Variants in ATP8B4 observed in about 807,000 individuals in gnomAD.
ATP8B4 encodes the protein probable phospholipid-transporting ATPase IM.
In ATP8B4, 133 loss-of-function variants were observed where a neutral mutation model predicts 145.6. The ratio of observed to expected loss-of-function variants is 0.91; its 90% CI spans 0.79 to 1.05. The LOEUF (loss-of-function observed/expected upper bound fraction) is 1.05, where lower values mean the gene tolerates loss of function less well. Ranked by LOEUF, ATP8B4 falls within the 50% of genes least tolerant of loss-of-function variation. The pLI, the probability that ATP8B4 is intolerant of heterozygous loss-of-function variation, is 0.00. For missense variants in ATP8B4, 1,458 were observed against 1,425.2 expected (o/e 1.02, Z -0.37); for synonymous variants, 507 against 492.9 (o/e 1.03, Z -0.38).
intron 1 of ATP8B4, among the ~76,000 whole-genome samples, chr15:50,157,928 T>G (rs2044447079): frequency 6.6e-6 from 1 of 152,176 alleles, no homozygotes. Flanking sequence ...CTGGTTTTCG[T>G]ATTTTTTTGG....
rs546501571 is a variant in ATP8B4, at chr15:50,107,934, CTG to C, written c.-42-928_-42-927del. Among the ~76,000 whole-genome samples the C allele has an allele frequency of 5.5e-3, 832 of 152,248 alleles. 6 individuals are homozygous for C. Among genetic ancestry groups the C allele is most frequent in the African/African-American group, 0.019 (794 of 41,542 alleles). On this transcript the variant is annotated intron_variant, in intron 1 of 27. Coordinates refer to ENST00000284509, the MANE Select transcript of ATP8B4 (RefSeq NM_024837.4). ...CAGATCCCCGAGAAGTCTAAAAAGC[CTG>C]AGACCATCATTTCTTCCTTTTCTGG... is the stretch of plus-strand genomic sequence containing the variant.
At chr15:50,124,657 G>T (rs1039585794) in intron 1 of ATP8B4, among the ~76,000 whole-genome samples, 22 of 152,086 alleles carry the variant, frequency 1.4e-4, no homozygotes, top group African/African-American at 4.3e-4. Context: ...GTCACCTCTG[G>T]GAACCAGCTC....
At chr15:50,100,326 G>A (rs2056274560) in intron 2 of ATP8B4, among the ~76,000 whole-genome samples, 1 of 152,122 alleles carries the variant, frequency 6.6e-6, no homozygotes, top group African/African-American at 2.4e-5. Context: ...TCCAGTCTGT[G>A]CCCCTCTGGC....
intron 6 of ATP8B4, among the ~76,000 whole-genome samples, chr15:50,025,435 T>C (rs1482483209): frequency 6.6e-6 from 1 of 152,194 alleles, no homozygotes; most frequent in African/African-American, 2.4e-5. Flanking sequence ...AATCAGTCCC[T>C]CATAATCACC....
At chr15:50,128,928 C>A (rs745999306) in intron 1 of ATP8B4, among the ~76,000 whole-genome samples, 3 of 152,226 alleles carry the variant, frequency 2.0e-5, no homozygotes, top group Non-Finnish European at 4.4e-5. Flanking sequence ...ATTAGCTGGG[C>A]CTGGTGGTGC....
At chr15:50,158,593 T>G (rs2044467242) in intron 1 of ATP8B4, among the ~76,000 whole-genome samples, 1 of 152,196 alleles carries the variant, frequency 6.6e-6, no homozygotes, top group South Asian at 2.1e-4. Context: ...CACCACCCCG[T>G]CTGGGAGGTA....
intron 20 of ATP8B4, among the ~76,000 whole-genome samples, chr15:49,904,751 A>T (rs1566961169): frequency 6.6e-6 from 1 of 152,202 alleles, no homozygotes; most frequent in Non-Finnish European, 1.5e-5. Flanking sequence ...AACCCTGCAC[A>T]TTCAAATAAA....
chr15:49,986,435 G>C (rs35392725), intron 10 of ATP8B4, among the ~76,000 whole-genome samples: 9,853 of 152,208 alleles, frequency 0.065, 355 homozygotes, highest in South Asian at 0.12. Flanking sequence ...ATGTAAAAGC[G>C]CATATACTGG....
rs747983512 is a variant in ATP8B4, at chr15:49,979,668, C to T, written c.983G>A (p.Trp328Ter). The change falls in exon 12 of 28, where the codon TGG becomes TAG. Residue 328 changes from tryptophan to a stop codon, truncating the protein, a stop_gained. Coordinates refer to ENST00000284509, the MANE Select transcript of ATP8B4 (RefSeq NM_024837.4). LOFTEE classifies it high-confidence loss of function. ...TGTATTGAGAATAATAATATATGAC[C>T]AGAATGTTAAGAATCCGGAGAACAC... ...SSVFSGFLTF[W>*]SYIIILNTVV... 1 of 1,602,648 alleles carries T rather than the reference C, an allele frequency of 6.2e-7. No individual in the cohort carries two copies. The highest frequency in any genetic ancestry group is 8.5e-7 in the Non-Finnish European group (1 of 1,172,104).
chr15:49,869,738 C>G (rs2033387035), intron 25 of ATP8B4, among the ~76,000 whole-genome samples: 1 of 152,152 alleles, frequency 6.6e-6, no homozygotes, highest in South Asian at 2.1e-4. Flanking sequence ...TTTTGGCAAC[C>G]CGTCCCCAGG....
At position 49,898,057 on chromosome 15, in the gene ATP8B4, T is replaced by C. The variant is rs769058642; in HGVS notation, c.2473+11A>G. 1.1e-5 allele frequency: 17 copies of C among 1,613,484 alleles called. No homozygotes were observed. Among genetic ancestry groups the C allele is most frequent in the Middle Eastern group, 3.3e-4 (2 of 6,054 alleles). ...TATGCAGCATACCCCATTGAGCAAATATCCTCTTACTTTTAATCATGCTGA... is the reference window on the plus strand; with the variant it reads ...TATGCAGCATACCCCATTGAGCAAACATCCTCTTACTTTTAATCATGCTGA... On this transcript the variant is annotated intron_variant, in intron 22 of 27. Coordinates refer to ENST00000284509, the MANE Select transcript of ATP8B4 (RefSeq NM_024837.4).
rs949200462 is a variant in ATP8B4 at position 49,859,589 on chromosome 15, G to C, written c.*605C>G. On this transcript the variant is annotated 3_prime_UTR_variant, in exon 28 of 28. Transcript: ENST00000284509. Reference sequence around the variant, plus strand: ...TTCAGTCTCCTTTGTCCCTAGACTGGTATAAAAATGAGAAACACAAGCACA... The same window carrying C: ...TTCAGTCTCCTTTGTCCCTAGACTGCTATAAAAATGAGAAACACAAGCACA... The C allele has an allele frequency of 3.9e-5, 6 of 152,228 alleles. No homozygotes were observed. Among genetic ancestry groups the C allele is most frequent in the Admixed American group, 6.5e-5 (1 of 15,280 alleles). 9.4% of individuals were successfully genotyped at this position (152,228 alleles called of 1,614,324 possible). A position where few individuals can be genotyped will look rare whatever the true frequency, so the allele number is the denominator to read the frequency against.
intron 3 of ATP8B4, among the ~76,000 whole-genome samples, chr15:50,060,055 T>A (rs1245765768): frequency 6.6e-6 from 1 of 152,170 alleles, no homozygotes; most frequent in Non-Finnish European, 1.5e-5. Flanking sequence ...GTAAGGAAAC[T>A]GAAACCCAGA....
chr15:49,961,949 TA>T, intron 14 of ATP8B4, 27 bp downstream of exon 14: 1 of 1,556,736 alleles, frequency 6.4e-7, no homozygotes, highest in Non-Finnish European at 8.7e-7. Flanking sequence ...AAATTAAAAC[TA>T]AGAATAAAAT....
chr15:50,075,903 G>GAC (rs2054138123), intron 2 of ATP8B4, among the ~76,000 whole-genome samples: 1 of 152,164 alleles, frequency 6.6e-6, no homozygotes, highest in South Asian at 2.1e-4. Flanking sequence ...TAAAATTGCT[G>GAC]ACAGGAAAGC....
intron 2 of ATP8B4, among the ~76,000 whole-genome samples, chr15:50,098,594 T>C (rs1488387586): frequency 6.6e-6 from 1 of 151,984 alleles, no homozygotes; most frequent in Admixed American, 6.6e-5. Flanking sequence ...TACCACATGG[T>C]TTTTAACTTA....
intron 17 of ATP8B4, among the ~76,000 whole-genome samples, chr15:49,921,888 G>C (rs2040296387): frequency 6.6e-6 from 1 of 152,130 alleles, no homozygotes; most frequent in Admixed American, 6.5e-5. Context: ...TGAAAATCTA[G>C]CTACTGTCTT....
At chr15:50,158,510 G>A (rs138293454) in intron 1 of ATP8B4, among the ~76,000 whole-genome samples, 5,599 of 148,232 alleles carry the variant, frequency 0.038, 143 homozygotes, top group African/African-American at 0.076. Flanking sequence ...CCGGCCAGCC[G>A]CCCAGTCCGG....
chr15:50,085,864 G>A (rs1299484746), intron 2 of ATP8B4, among the ~76,000 whole-genome samples: 26 of 43,658 alleles, frequency 6.0e-4, no homozygotes, highest in South Asian at 3.4e-3. Flanking sequence ...TATAATAAAC[G>A]TATCATATAT....
Sources: allele counts gnomAD v4.1 joint callset (sites outside exome capture counted in the v4.1 genomes callset), GRCh38; gene constraint gnomAD v4.1.1; transcripts MANE v1.5; gene names NCBI Gene and HGNC (gene_info 2026-07-23, HGNC 2026-07-21).